SRRT: variants seen among roughly 807,000 people sequenced by gnomAD.
SRRT encodes the protein serrate, RNA effector molecule.
In SRRT, 32 loss-of-function variants were observed where a neutral mutation model predicts 103.2. The ratio of observed to expected loss-of-function variants is 0.31; its 90% CI spans 0.23 to 0.42. The LOEUF (loss-of-function observed/expected upper bound fraction) is 0.42. Ranked by LOEUF, SRRT falls within the 10% of genes least tolerant of loss-of-function variation. The pLI is 1.00. For missense variants in SRRT, 986 were observed against 1,207.5 expected, an observed-to-expected ratio of 0.82 and a Z score of 2.72; for synonymous variants, 525 against 449.0, an observed-to-expected ratio of 1.17 and a Z score of -2.14.
rs573995339 is a variant in SRRT, at chr7:100,881,875, C to T, written c.398+70C>T. On this transcript the variant is annotated intron_variant, in intron 4 of 19. Transcript: ENST00000611405. ...TGGATGGGGTTGCTGAAGGCCATGG[C>T]TGAAGCCAGGGAGCGGGTCAGGCAC... The T allele has an allele frequency of 1.4e-5, 21 of 1,529,364 alleles. No individual in the cohort carries two copies. In the Admixed American group the frequency reaches 3.4e-4, roughly 25 times the overall value. The allele number at this position is 1,529,364 out of a possible 1,614,324, so 94.7% of individuals were successfully genotyped here.
chr7:100,878,365 C>G (rs1194182085), intron 2 of SRRT, among the ~76,000 whole-genome samples: 2 of 151,692 alleles, frequency 1.3e-5, no homozygotes, highest in African/African-American at 2.4e-5. Context: ...GTGAGCTTGA[C>G]AGCTTCCCAT....
rs375066546 is a variant in SRRT, at chr7:100,885,069, G to C, written c.1159+29G>C. On this transcript the variant is annotated intron_variant, in intron 9 of 19. Coordinates refer to ENST00000611405, the MANE Select transcript of SRRT (RefSeq NM_015908.6). This position sits in a 1 kb window ranked among gnomAD's most constrained non-coding sequence, Gnocchi z 4.8. ...GGGTTTCTTTTCTGCTTTAAAGTGC[G>C]TTCTCCTAATGCGGGTGGGGAGGTG... 21 of 1,613,236 alleles carry C rather than the reference G, an allele frequency of 1.3e-5. No individual in the cohort carries two copies. The South Asian group carries it at 2.3e-4, about 18-fold the overall frequency.
At chr7:100,875,503 C>T in intron 1 of SRRT, 70 bp from the exon 2 acceptor site, 2 of 1,585,982 alleles carry the variant, frequency 1.3e-6, no homozygotes, top group Non-Finnish European at 1.7e-6. Flanking sequence ...GGGCGAGCTG[C>T]CCGCGAGGGA....
chr7:100,884,997 G>A lies in SRRT; in HGVS notation c.1116G>A (p.Ser372=), dbSNP rs765135123. The A allele has an allele frequency of 1.7e-5, 27 of 1,613,966 alleles. No individual in the cohort carries two copies. The highest frequency in any genetic ancestry group is 2.7e-5 in the African/African-American group (2 of 74,894). The part of the protein sequence containing the change: ...FDEGSVSESE[S]ESESGQAEEE... ...AGGGCAGCGTGTCAGAGTCTGAGTC[G>A]GAGTCAGAGAGCGGCCAGGCTGAGG... is the stretch of plus-strand genomic sequence containing the variant. The change falls in exon 9 of 20, where the codon TCG becomes TCA. Residue 372 remains serine, a synonymous_variant. Transcript: ENST00000611405.
At position 100,887,870 on chromosome 7, in the gene SRRT, A is replaced by T. The variant is rs1183077650; in HGVS notation, c.2326+11A>T. 1 of 1,593,464 alleles carries T rather than the reference A, an allele frequency of 6.3e-7. No individual in the cohort carries two copies. Among genetic ancestry groups the T allele is most frequent in the Non-Finnish European group, 8.6e-7 (1 of 1,163,940 alleles). On this transcript the variant is annotated intron_variant, in intron 17 of 19. Coordinates refer to ENST00000611405, the MANE Select transcript of SRRT (RefSeq NM_015908.6). The surrounding 1 kb of genome is among the most constrained non-coding windows in gnomAD (Gnocchi z 4.1). ...CTGGCCCCGCCCAGAGTAAGATACG[A>T]TCCATGAAGGTCGCATGTGCCCTCT...
At chr7:100,875,822 G>T in intron 2 of SRRT, 110 bp downstream of exon 2, 1 of 1,398,256 alleles carries the variant, frequency 7.2e-7, no homozygotes, top group Non-Finnish European at 1.0e-6. Flanking sequence ...CCTATGAAAT[G>T]GCTCATTGGA....
At chr7:100,883,799 C>T (rs182508728) in intron 5 of SRRT, among the ~76,000 whole-genome samples, 17 of 152,318 alleles carry the variant, frequency 1.1e-4, no homozygotes, top group African/African-American at 3.9e-4. Context: ...CCTCTCCTAC[C>T]CTGGCGTCCC....
In SRRT at chr7:100,877,836, TTGAG is replaced by T. The variant is rs779881331; in HGVS notation, c.122+2129_122+2132del. 3.3e-5 allele frequency among the ~76,000 whole-genome samples: 5 copies of T among 152,190 alleles called. No homozygotes were observed. The East Asian group carries it at 5.8e-4, about 18-fold the overall frequency. On this transcript the variant is annotated intron_variant, in intron 2 of 19. Transcript: ENST00000611405. ...GTCTTGAGCAAGAGTACGCATGTGA[TTGAG>T]TGAGCTGAACTAACAGCTTTTTTCC...
chr7:100,879,514 T>A (rs762144845), intron 2 of SRRT, among the ~76,000 whole-genome samples: 2 of 152,204 alleles, frequency 1.3e-5, no homozygotes, highest in Non-Finnish European at 2.9e-5. Context: ...AATGCCACTT[T>A]TTCTCACCAA....
chr7:100,881,018 A>AG (rs1205172004), intron 2 of SRRT, among the ~76,000 whole-genome samples: 9 of 151,984 alleles, frequency 5.9e-5, no homozygotes, highest in African/African-American at 2.2e-4. Flanking sequence ...TAGGCTTTTT[A>AG]GTCTGGTATC....
intron 2 of SRRT, among the ~76,000 whole-genome samples, chr7:100,877,844 G>A (rs1198076035): frequency 6.6e-6 from 1 of 152,148 alleles, no homozygotes; most frequent in Non-Finnish European, 1.5e-5. Context: ...GATTGAGTGA[G>A]CTGAACTAAC....
At chr7:100,881,184 T>C in intron 2 of SRRT, 101 bp from the exon 3 acceptor site, 1 of 1,349,968 alleles carries the variant, frequency 7.4e-7, no homozygotes, top group Non-Finnish European at 1.0e-6. Context: ...CTCGAACTCC[T>C]GGCCTCAAGT....
chr7:100,888,426 T>A (rs375619969), intron 19 of SRRT, 43 bp downstream of exon 19: 2 of 1,612,772 alleles, frequency 1.2e-6, no homozygotes, highest in South Asian at 2.2e-5. Flanking sequence ...GCCTGCAGAC[T>A]CCCTTTTGGG....
chr7:100,888,498 C>T lies in SRRT; in HGVS notation c.2580C>T (p.Ala860=). 1.9e-6 allele frequency: 3 copies of T among 1,614,178 alleles called. No individual in the cohort carries two copies. The highest frequency in any genetic ancestry group is 8.5e-7 in the Non-Finnish European group (1 of 1,180,038). The change falls in exon 20 of 20, where the codon GCC becomes GCT. Residue 860 remains alanine, a synonymous_variant. Coordinates refer to ENST00000611405, the MANE Select transcript of SRRT (RefSeq NM_015908.6). ...RNRMVRGDPR[A]IVEYRDLDAP... The stretch of plus-strand genomic sequence containing the variant: ...GGATGGTTCGTGGAGACCCAAGGGC[C>T]ATTGTGGAATATCGGGACCTGGATG...
At chr7:100,876,890 C>G (rs1815764188) in intron 2 of SRRT, among the ~76,000 whole-genome samples, 1 of 152,142 alleles carries the variant, frequency 6.6e-6, no homozygotes, top group African/African-American at 2.4e-5. Flanking sequence ...ATTCCCCAGA[C>G]ACGAGTGACA....
chr7:100,881,582 A>G, intron 3 of SRRT, 77 bp from the exon 4 acceptor site: 1 of 1,595,528 alleles, frequency 6.3e-7, no homozygotes, highest in South Asian at 1.1e-5. Flanking sequence ...TGCTGTGTGT[A>G]CCCCCGTCTG....
rs796428202 is a variant in SRRT, at chr7:100,878,957, T to TTTCTTTCA, written c.123-2320_123-2313dup. Among the ~76,000 whole-genome samples the TTTCTTTCA allele has an allele frequency of 1.6e-3, 244 of 152,102 alleles. 1 individual carries two copies. The highest frequency in any genetic ancestry group is 5.7e-3 in the African/African-American group (238 of 41,470). Reference sequence around the variant, plus strand: ...TCTTTCTTTTTCTTTCTTTTCTTTCTTTCTTTCATTCTTTCTTTCAGATGG... The same window carrying TTTCTTTCA: ...TCTTTCTTTTTCTTTCTTTTCTTTCTTTCTTTCATTCTTTCATTCTTTCTTTCAGATGG... On this transcript the variant is annotated intron_variant, in intron 2 of 19. Coordinates refer to ENST00000611405, the MANE Select transcript of SRRT (RefSeq NM_015908.6).
intron 2 of SRRT, among the ~76,000 whole-genome samples, chr7:100,878,703 G>GT (rs34773098): frequency 0.51 from 75,625 of 149,348 alleles, 19,707 homozygotes; most frequent in East Asian, 0.8. Flanking sequence ...CTGATTTTCT[G>GT]TTTTTTTTTT....
intron 18 of SRRT, 31 bp from the exon 19 acceptor site, chr7:100,888,225 GT>G (rs746667731): frequency 1.9e-6 from 3 of 1,601,966 alleles, no homozygotes; most frequent in East Asian, 2.2e-5. Context: ...TGAGGACATA[GT>G]TTTGCAACTC....
Sources: allele counts gnomAD v4.1 joint callset (sites outside exome capture counted in the v4.1 genomes callset), GRCh38; gene constraint gnomAD v4.1.1; non-coding constraint Gnocchi (gnomAD v3.1); transcripts MANE v1.5; gene names NCBI Gene and HGNC (gene_info 2026-07-23, HGNC 2026-07-21).